The following FOCAD variants were observed in gnomAD, a reference collection of about 807,000 sequenced individuals.
FOCAD encodes the protein KIAA1797.
In FOCAD, 198 loss-of-function variants were observed where a neutral mutation model predicts 225.6. The observed-to-expected ratio is 0.88, with a 90% confidence interval of 0.78 to 0.99. The LOEUF (loss-of-function observed/expected upper bound fraction) is 0.99. Among genes scored for constraint, FOCAD ranks in the 50% least tolerant of loss-of-function variants. The pLI, the probability that FOCAD is intolerant of heterozygous loss-of-function variation, is 0.00. For missense variants in FOCAD, 2,713 were observed against 2,123.6 expected (o/e 1.28, Z -5.46); for synonymous variants, 897 against 755.0 (o/e 1.19, Z -3.08).
intron 2 of FOCAD, among the ~76,000 whole-genome samples, chr9:20,671,730 A>G (rs1223757283): frequency 6.6e-6 from 1 of 152,162 alleles, no homozygotes; most frequent in Non-Finnish European, 1.5e-5. Context: ...AAGGGCAAAA[A>G]GTTTCCTGTA....
chr9:20,764,736 A>C (rs1206872502), intron 6 of FOCAD, 133 bp from the exon 7 acceptor site: 2 of 718,538 alleles, frequency 2.8e-6, no homozygotes, highest in Non-Finnish European at 4.7e-6. Flanking sequence ...GAATAGAAGA[A>C]TCATAAAAAG....
intron 35 of FOCAD, among the ~76,000 whole-genome samples, chr9:20,963,206 T>C (rs549326264): frequency 1.3e-5 from 2 of 152,234 alleles, no homozygotes; most frequent in Non-Finnish European, 2.9e-5. Context: ...ATTTCATTAT[T>C]GGACTGATGT....
chr9:20,932,030 C>T (rs182830415), intron 27 of FOCAD, among the ~76,000 whole-genome samples: 1 of 152,050 alleles, frequency 6.6e-6, no homozygotes. Flanking sequence ...TGTTGTTCCA[C>T]AGCTTCTTGC....
chr9:20,808,907 A>T (rs1822750017), intron 11 of FOCAD, among the ~76,000 whole-genome samples: 2 of 152,176 alleles, frequency 1.3e-5, no homozygotes, highest in Admixed American at 6.5e-5. Context: ...TTACTGAAGT[A>T]ACATTCTTTA....
intron 5 of FOCAD, among the ~76,000 whole-genome samples, chr9:20,755,389 T>A (rs995695141): frequency 6.6e-6 from 1 of 152,246 alleles, no homozygotes; most frequent in African/African-American, 2.4e-5. Flanking sequence ...AGTGGCTCCC[T>A]CGGTATGCAT....
At chr9:20,764,091 T>C (rs1052499963) in intron 6 of FOCAD, among the ~76,000 whole-genome samples, 1 of 152,188 alleles carries the variant, frequency 6.6e-6, no homozygotes, top group Non-Finnish European at 1.5e-5. Flanking sequence ...CTGTAAGGGT[T>C]AACAGGTTAA....
At chr9:20,826,619 A>G (rs1252143288) in intron 15 of FOCAD, among the ~76,000 whole-genome samples, 1 of 152,070 alleles carries the variant, frequency 6.6e-6, no homozygotes, top group Non-Finnish European at 1.5e-5. Flanking sequence ...CTGTCCCTCT[A>G]GAGAACCCTA....
In FOCAD at chr9:20,715,351, A is replaced by G. The variant is rs1334216954; in HGVS notation, c.-3A>G. 7.9e-6 allele frequency: 12 copies of G among 1,519,576 alleles called. No homozygotes were observed. The highest frequency in any genetic ancestry group is 8.9e-6 in the Non-Finnish European group (10 of 1,126,174). The allele number at this position is 1,519,576 out of a possible 1,614,324, so 94.1% of individuals were successfully genotyped here. On this transcript the variant is annotated 5_prime_UTR_variant, in exon 2 of 44. Transcript: ENST00000338382. The stretch of plus-strand genomic sequence containing the variant: ...TGCACACATACATGTAAGAGAAGCA[A>G]AAATGTCAGATGATATCAGGAAAAG...
Position 20,993,261 on chromosome 9 carries a change from C to G in FOCAD, c.5265C>G (p.Asp1755Glu). 1.2e-6 allele frequency: 2 copies of G among 1,613,562 alleles called. No individual in the cohort carries two copies. The highest frequency in any genetic ancestry group is 2.2e-5 in the South Asian group (2 of 91,080). Residue 1755 changes from aspartate (D) to glutamate (E), a missense_variant, in exon 43 of 44, where the codon GAC (aspartate) becomes GAG (glutamate). Coordinates refer to ENST00000338382, the MANE Select transcript of FOCAD (RefSeq NM_001375567.1). Reference protein sequence around the residue: ...PWKEQTQKFIDWLFSIMESPK... With the variant: ...PWKEQTQKFIEWLFSIMESPK... ...TTTCATTTTTACCCTAGTTCATTGACTGGCTATTCAGCATCATGGAAAGCC... is the reference window on the plus strand; with the variant it reads ...TTTCATTTTTACCCTAGTTCATTGAGTGGCTATTCAGCATCATGGAAAGCC...
intron 41 of FOCAD, among the ~76,000 whole-genome samples, chr9:20,989,381 CTG>C (rs1192427638): frequency 6.6e-6 from 1 of 152,136 alleles, no homozygotes; most frequent in Non-Finnish European, 1.5e-5. Flanking sequence ...CCTTAAAACA[CTG>C]AGAAAATACA....
intron 28 of FOCAD, among the ~76,000 whole-genome samples, chr9:20,934,479 C>A (rs895824069): frequency 4.0e-5 from 6 of 151,558 alleles, no homozygotes; most frequent in African/African-American, 1.5e-4. Context: ...ACCCCCAGCA[C>A]CATTTGTTGA....
intron 2 of FOCAD, among the ~76,000 whole-genome samples, chr9:20,678,489 G>A (rs1213207131): frequency 6.6e-6 from 1 of 152,208 alleles, no homozygotes; most frequent in African/African-American, 2.4e-5. Context: ...GTTTGTGATT[G>A]TAAGCCACTA....
chr9:20,736,554 G>C (rs551045701), intron 4 of FOCAD, among the ~76,000 whole-genome samples: 81 of 152,258 alleles, frequency 5.3e-4, no homozygotes, highest in Middle Eastern at 3.4e-3. Context: ...TAGGAGTTAG[G>C]ATGAGTTTGT....
At chr9:20,805,364 A>T (rs1455609764) in intron 11 of FOCAD, among the ~76,000 whole-genome samples, 3 of 152,176 alleles carry the variant, frequency 2.0e-5, no homozygotes, top group African/African-American at 7.2e-5. Context: ...CCAATGGATT[A>T]TATTCATTAT....
chr9:20,914,299 A>C (rs535044312), intron 23 of FOCAD, among the ~76,000 whole-genome samples: 2 of 152,312 alleles, frequency 1.3e-5, no homozygotes, highest in African/African-American at 4.8e-5. Flanking sequence ...ACAGCAGTGA[A>C]TAAAGCCCCT....
intron 7 of FOCAD, among the ~76,000 whole-genome samples, chr9:20,767,052 C>G (rs1331560581): frequency 6.6e-6 from 1 of 150,876 alleles, no homozygotes; most frequent in Non-Finnish European, 1.5e-5. Flanking sequence ...TCAATTCCCA[C>G]CTATGAGTGA....
chr9:20,784,233 T>A (rs766847665), intron 10 of FOCAD, among the ~76,000 whole-genome samples: 1 of 152,174 alleles, frequency 6.6e-6, no homozygotes, highest in Non-Finnish European at 1.5e-5. Context: ...ATCCTGTATG[T>A]CCCTAGCAGC....
chr9:20,689,419 T>C (rs981532043), intron 1 of FOCAD, among the ~76,000 whole-genome samples: 8 of 144,420 alleles, frequency 5.5e-5, no homozygotes, highest in Non-Finnish European at 1.1e-4. Flanking sequence ...GAGATGAAGA[T>C]ACTTAGATGT....
chr9:20,954,760 G>C (rs1264304573), intron 35 of FOCAD, among the ~76,000 whole-genome samples: 2 of 152,180 alleles, frequency 1.3e-5, no homozygotes, highest in Non-Finnish European at 2.9e-5. Flanking sequence ...TTTTCAGGTT[G>C]TGGGAGAGGG....
Sources: allele counts gnomAD v4.1 joint callset (sites outside exome capture counted in the v4.1 genomes callset), GRCh38; gene constraint gnomAD v4.1.1; transcripts MANE v1.5; gene names NCBI Gene and HGNC (gene_info 2026-07-23, HGNC 2026-07-21).